The following CCDC93 variants were observed in gnomAD, a reference collection of about 807,000 sequenced individuals.
CCDC93 encodes CCC complex scaffolding subunit CCDC93.
Under a neutral mutation model 108.2 loss-of-function variants are expected in CCDC93, and 61 were observed. The ratio of observed to expected loss-of-function variants is 0.56; its 90% CI spans 0.46 to 0.70. The LOEUF is 0.70. Ranked by LOEUF, CCDC93 falls within the 30% of genes least tolerant of loss-of-function variation. The pLI is 0.00. For missense variants in CCDC93, 685 were observed against 764.2 expected (o/e 0.90, Z 1.22); for synonymous variants, 276 against 260.4 (o/e 1.06, Z -0.58).
chr2:117,951,127 T>C (rs1679042686), intron 13 of CCDC93: 1 of 983,022 alleles, frequency 1.0e-6, no homozygotes, highest in Admixed American at 6.2e-5. Context: ...AAAGCTGATA[T>C]CAAGATATTT....
chr2:117,936,528 C>A, intron 21 of CCDC93, 174 bp downstream of exon 21: 2 of 640,358 alleles, frequency 3.1e-6, no homozygotes, highest in Non-Finnish European at 5.7e-6. Flanking sequence ...TGCAGGTACT[C>A]AAGGAGAGTG....
At chr2:117,973,750 C>T (rs1366069599) in intron 11 of CCDC93, among the ~76,000 whole-genome samples, 158 bp downstream of exon 11, 1 of 152,176 alleles carries the variant, frequency 6.6e-6, no homozygotes, top group Non-Finnish European at 1.5e-5. Context: ...GTGCTGATAG[C>T]CGGTTGTGCA....
chr2:117,953,321 T>C (rs572746828), intron 12 of CCDC93, among the ~76,000 whole-genome samples: 8 of 152,222 alleles, frequency 5.3e-5, no homozygotes, highest in African/African-American at 1.9e-4. Flanking sequence ...GACTGATAAA[T>C]AGTTATAATT....
At chr2:118,013,614 G>T (rs1405315934) in intron 1 of CCDC93, among the ~76,000 whole-genome samples, 1 of 152,194 alleles carries the variant, frequency 6.6e-6, no homozygotes, top group Non-Finnish European at 1.5e-5. Context: ...GCGGCGCGGG[G>T]TGGGGGAGCC....
chr2:117,935,608 C>T (rs574387279), intron 21 of CCDC93, 29 bp from the exon 22 acceptor site: 15 of 1,518,928 alleles, frequency 9.9e-6, no homozygotes, highest in East Asian at 9.0e-5. Flanking sequence ...GAGTTATGAC[C>T]GGCACACAGG....
intron 20 of CCDC93, chr2:117,936,998 G>A: frequency 2.0e-6 from 1 of 491,732 alleles, no homozygotes; most frequent in East Asian, 3.7e-5. Flanking sequence ...GGGAGAAGGT[G>A]CTTTGAAGGG....
intron 11 of CCDC93, among the ~76,000 whole-genome samples, chr2:117,959,047 GA>G (rs1679307183): frequency 6.6e-6 from 1 of 152,212 alleles, no homozygotes; most frequent in South Asian, 2.1e-4. Context: ...GGTCAGGTAG[GA>G]AAAGTTCTGC....
At chr2:118,009,994 G>T (rs928227346) in intron 1 of CCDC93, among the ~76,000 whole-genome samples, 1 of 151,764 alleles carries the variant, frequency 6.6e-6, no homozygotes, top group Admixed American at 6.6e-5. Context: ...GCGCAATCTC[G>T]GCTCACTGTA....
At chr2:117,924,710 A>G (rs1314367950) in intron 23 of CCDC93, among the ~76,000 whole-genome samples, 3 of 152,258 alleles carry the variant, frequency 2.0e-5, no homozygotes, top group African/African-American at 7.2e-5. Flanking sequence ...ACTCTGCAGG[A>G]TAATATCCAG....
intron 6 of CCDC93, among the ~76,000 whole-genome samples, chr2:117,994,048 C>G (rs548526639): frequency 1.3e-5 from 2 of 152,250 alleles, no homozygotes; most frequent in East Asian, 3.9e-4. Context: ...AATCTTTTAA[C>G]AGCATACAAA....
Position 117,935,544 on chromosome 2 carries a change from A to T in CCDC93, c.1679T>A (p.Leu560Ter). 1.2e-6 allele frequency: 2 copies of T among 1,614,028 alleles called. No individual in the cohort carries two copies. The highest frequency in any genetic ancestry group is 1.7e-6 in the Non-Finnish European group (2 of 1,179,882). ...TTCCACAATCTGTTCCATCTGACGT[A>T]AAAACTGGTCCCGGGCAGCAGGGGA... ...MASPAARDQF[L>*]RQMEQIVEGI... is the part of the protein sequence containing the mutation. The change falls in exon 22 of 24, where the codon TTA becomes TAA. Residue 560 changes from leucine (L) to a stop codon, truncating the protein, a stop_gained. Coordinates refer to ENST00000376300, the MANE Select transcript of CCDC93 (RefSeq NM_019044.5). LOFTEE classifies it high-confidence loss of function.
At chr2:117,965,888 A>T (rs144662631) in intron 11 of CCDC93, among the ~76,000 whole-genome samples, 1 of 152,240 alleles carries the variant, frequency 6.6e-6, no homozygotes, top group Admixed American at 6.5e-5. Flanking sequence ...TCTGGCAGAA[A>T]AAAAAAACAA....
intron 2 of CCDC93, among the ~76,000 whole-genome samples, chr2:118,008,076 TATG>T (rs1445713092): frequency 6.6e-6 from 1 of 152,244 alleles, no homozygotes; most frequent in Non-Finnish European, 1.5e-5. Context: ...CACCTATTAC[TATG>T]ATTTGTGCAT....
chr2:117,974,979 T>C, intron 9 of CCDC93, 79 bp from the exon 10 acceptor site: 3 of 1,250,302 alleles, frequency 2.4e-6, no homozygotes, highest in Non-Finnish European at 3.5e-6. Flanking sequence ...CATGGATCTT[T>C]GCGGTGATAT....
At chr2:117,962,441 C>T (rs776117391) in intron 11 of CCDC93, among the ~76,000 whole-genome samples, 1 of 148,382 alleles carries the variant, frequency 6.7e-6, no homozygotes, top group African/African-American at 2.5e-5. Flanking sequence ...GTCAGGAGTT[C>T]AAGACCAGCC....
At chr2:117,925,559 C>T (rs1252677157) in intron 23 of CCDC93, among the ~76,000 whole-genome samples, 1 of 152,186 alleles carries the variant, frequency 6.6e-6, no homozygotes, top group African/African-American at 2.4e-5. Flanking sequence ...ATCAATTCAA[C>T]AAGAAGAGCT....
chr2:118,009,594 C>A lies in CCDC93; in HGVS notation c.43-936G>T, dbSNP rs544394430. On this transcript the variant is annotated intron_variant, in intron 1 of 23. Coordinates refer to ENST00000376300, the MANE Select transcript of CCDC93 (RefSeq NM_019044.5). ...GGCTGAGGCACGAGAATCACTTGAA[C>A]CCAGGAGGCGGGGGTTGCAGTGAGG... 3.3e-5 allele frequency among the ~76,000 whole-genome samples: 5 copies of A among 152,338 alleles called. No homozygotes were observed. The South Asian group carries it at 1.0e-3, about 32-fold the overall frequency.
At chr2:117,958,012 A>G (rs1174761219) in intron 12 of CCDC93, among the ~76,000 whole-genome samples, 1 of 152,238 alleles carries the variant, frequency 6.6e-6, no homozygotes, top group African/African-American at 2.4e-5. Context: ...CCTAGCACAC[A>G]GTAGTGCTCG....
In CCDC93 at chr2:117,982,701, T is replaced by C. The variant is rs542699322; in HGVS notation, c.620+3268A>G. ...ACAAGAGGTAAGATAAGGTAGAAAA[T>C]AGAAACACTGGAAGAGAGATCTGGA... On this transcript the variant is annotated intron_variant, in intron 7 of 23. Coordinates refer to ENST00000376300, the MANE Select transcript of CCDC93 (RefSeq NM_019044.5). 5.8e-4 allele frequency among the ~76,000 whole-genome samples: 87 copies of C among 148,968 alleles called. No individual in the cohort carries two copies. The South Asian group carries it at 0.014, about 24-fold the overall frequency.
Sources: allele counts gnomAD v4.1 joint callset (sites outside exome capture counted in the v4.1 genomes callset), GRCh38; gene constraint gnomAD v4.1.1; transcripts MANE v1.5; gene names NCBI Gene and HGNC (gene_info 2026-07-23, HGNC 2026-07-21).